Variants in EYS observed in about 807,000 individuals in gnomAD.
The protein encoded by EYS is EGF-like photoreceptor maintenance factor, also known as protein eyes shut homolog.
Under a neutral mutation model 282.1 loss-of-function variants are expected in EYS, and 250 were observed. The ratio of observed to expected loss-of-function variants is 0.89; its 90% CI spans 0.80 to 0.98. The LOEUF (loss-of-function observed/expected upper bound fraction) is 0.98, where lower values mean the gene tolerates loss of function less well. Among genes scored for constraint, EYS ranks in the 50% least tolerant of loss-of-function variants. The pLI is 0.00. For missense variants in EYS, 4,016 were observed against 3,709.0 expected (o/e 1.08, Z -2.15); for synonymous variants, 1,355 against 1,282.9 (o/e 1.06, Z -1.20).
At chr6:64,970,087 T>A (rs1770237869) in intron 14 of EYS, among the ~76,000 whole-genome samples, 1 of 151,892 alleles carries the variant, frequency 6.6e-6, no homozygotes, top group African/African-American at 2.4e-5. Context: ...TGTTGGAAAA[T>A]TTGGGGTAGA....
chr6:64,633,819 T>C (rs1767876378), intron 22 of EYS, among the ~76,000 whole-genome samples: 1 of 151,964 alleles, frequency 6.6e-6, no homozygotes. Context: ...CATAAGTAAA[T>C]ATAGAAGGGG....
At chr6:64,909,297 G>A (rs1315956437) in intron 16 of EYS, among the ~76,000 whole-genome samples, 2 of 151,870 alleles carry the variant, frequency 1.3e-5, no homozygotes, top group Non-Finnish European at 2.9e-5. Flanking sequence ...AGTTTATAGA[G>A]GCAAAAAAAG....
rs1770547723 is a variant in EYS, at chr6:64,695,587, C to CATT, written c.3444-69343_3444-69342insAAT. Reference sequence around the variant, plus strand: ...AATAATCATACTTTTTTTCTTTTAACTTTTTTTTTTTTTTTGAGAAGGAGT... The same window carrying CATT: ...AATAATCATACTTTTTTTCTTTTAACATTTTTTTTTTTTTTTTTGAGAAGGAGT... On this transcript the variant is annotated intron_variant, in intron 22 of 42. Transcript: ENST00000503581. Among the ~76,000 whole-genome samples the CATT allele has an allele frequency of 2.8e-5, 4 of 141,852 alleles. No homozygotes were observed. In the Admixed American group the frequency reaches 2.8e-4, roughly 10 times the overall value. 93.1% of individuals were successfully genotyped at this position (141,852 alleles called of 152,430 possible). A position where few individuals can be genotyped will look rare whatever the true frequency, so the allele number is the denominator to read the frequency against.
At chr6:64,028,659 C>T (rs894542559) in intron 33 of EYS, among the ~76,000 whole-genome samples, 1 of 152,186 alleles carries the variant, frequency 6.6e-6, no homozygotes, top group Non-Finnish European at 1.5e-5. Flanking sequence ...GATGGTCTTG[C>T]CCCAAGGGTT....
chr6:65,352,376 TA>T (rs1764316632), intron 9 of EYS, among the ~76,000 whole-genome samples: 1 of 151,850 alleles, frequency 6.6e-6, no homozygotes, highest in African/African-American at 2.4e-5. Context: ...AAATATTCTT[TA>T]AAAGAATGAA....
chr6:65,606,583 A>C (rs1408685577), intron 2 of EYS, among the ~76,000 whole-genome samples: 1 of 151,814 alleles, frequency 6.6e-6, no homozygotes, highest in Non-Finnish European at 1.5e-5. Flanking sequence ...ATCGTAATTA[A>C]TTACTCTTAG....
At chr6:64,504,446 T>A (rs1777149711) in intron 26 of EYS, among the ~76,000 whole-genome samples, 1 of 152,118 alleles carries the variant, frequency 6.6e-6, no homozygotes, top group Non-Finnish European at 1.5e-5. Flanking sequence ...TGTTGAAGAG[T>A]CACTGCTCAT....
chr6:63,721,801 CA>C lies in EYS; in HGVS notation c.8234-5del. ...AAAGAGATGCATAAAAAATCACCTG[CA>C]AGAAAGCAAACAGTAAGTTTGATTA... is the stretch of plus-strand genomic sequence containing the variant. On this transcript the variant is annotated splice_polypyrimidine_tract_variant and splice_region_variant and intron_variant, in intron 42 of 42. Transcript: ENST00000503581. The C allele has an allele frequency of 6.5e-7, 1 of 1,537,798 alleles. No individual in the cohort carries two copies. The highest frequency in any genetic ancestry group is 1.4e-5 in the African/African-American group (1 of 72,476).
At chr6:65,264,044 A>T (rs1236937150) in intron 12 of EYS, among the ~76,000 whole-genome samples, 1 of 152,098 alleles carries the variant, frequency 6.6e-6, no homozygotes, top group Non-Finnish European at 1.5e-5. Flanking sequence ...CAAATTAGAC[A>T]TTTAAATTTT....
intron 5 of EYS, among the ~76,000 whole-genome samples, chr6:65,453,595 C>T (rs1211058942): frequency 6.6e-6 from 1 of 151,888 alleles, no homozygotes; most frequent in African/African-American, 2.4e-5. Flanking sequence ...ACCATAGTCA[C>T]CCTACTGTGA....
intron 31 of EYS, among the ~76,000 whole-genome samples, chr6:64,113,516 T>G: frequency 6.6e-6 from 1 of 152,200 alleles, no homozygotes; most frequent in Middle Eastern, 3.2e-3. Context: ...ATAACAGATA[T>G]GACTTTTGCA....
intron 33 of EYS, among the ~76,000 whole-genome samples, chr6:64,058,315 G>A (rs1344231955): frequency 2.6e-5 from 4 of 151,924 alleles, no homozygotes; most frequent in Admixed American, 2.6e-4. Context: ...TGAACTCAGT[G>A]AGAATTATTC....
chr6:65,665,938 G>A (rs1768183086), intron 1 of EYS, among the ~76,000 whole-genome samples: 1 of 151,926 alleles, frequency 6.6e-6, no homozygotes, highest in South Asian at 2.1e-4. Flanking sequence ...CTTCTCTCTT[G>A]TGCCTGATGG....
chr6:63,841,201 A>C (rs1771947988), intron 36 of EYS, among the ~76,000 whole-genome samples: 1 of 152,180 alleles, frequency 6.6e-6, no homozygotes, highest in Non-Finnish European at 1.5e-5. Flanking sequence ...TTCTATACTT[A>C]AGTTATCTTT....
chr6:64,656,126 T>A (rs1307828785), intron 22 of EYS, among the ~76,000 whole-genome samples: 4 of 152,156 alleles, frequency 2.6e-5, no homozygotes, highest in African/African-American at 9.7e-5. Context: ...CATACAGTGA[T>A]GAGCACCATG....
In EYS at chr6:64,107,259, A is replaced by ATG. The variant is rs1157319867; in HGVS notation, c.6425-25259_6425-25258dup. ...ACTAGTAGGAGATATATATATATAT[A>ATG]TGTGTGTGTGTGTATATATATATAT... On this transcript the variant is annotated intron_variant, in intron 31 of 42. Coordinates refer to ENST00000503581, the MANE Select transcript of EYS (RefSeq NM_001142800.2). 5.5e-3 allele frequency among the ~76,000 whole-genome samples: 692 copies of ATG among 124,932 alleles called. 10 individuals carry two copies. The highest frequency in any genetic ancestry group is 0.017 in the African/African-American group (599 of 34,562). The allele number at this position is 124,932 out of a possible 152,430, so 82.0% of individuals were successfully genotyped here. A position where few individuals can be genotyped will look rare whatever the true frequency, so the allele number is the denominator to read the frequency against.
Position 64,340,080 on chromosome 6 carries a change from C to T in EYS, c.6079-32998G>A, listed in dbSNP as rs532955740. 7.3e-5 allele frequency among the ~76,000 whole-genome samples: 11 copies of T among 151,320 alleles called. No homozygotes were observed. The East Asian group carries it at 1.4e-3, about 19-fold the overall frequency. On this transcript the variant is annotated intron_variant, in intron 29 of 42. Transcript: ENST00000503581. ...GTTTAAATTAGCATACAAATAAAAA[C>T]GTATGCACATTTAACAATTTAAATA...
chr6:64,204,865 C>A (rs987836635), intron 31 of EYS, among the ~76,000 whole-genome samples: 3 of 152,068 alleles, frequency 2.0e-5, no homozygotes, highest in African/African-American at 7.2e-5. Flanking sequence ...AATTTGCAAG[C>A]AAATATTGAG....
chr6:64,220,532 G>C (rs533633471), intron 31 of EYS, among the ~76,000 whole-genome samples: 17 of 152,246 alleles, frequency 1.1e-4, no homozygotes, highest in African/African-American at 3.6e-4. Flanking sequence ...TGGACAGCCA[G>C]TATCTCTTCC....
Sources: allele counts gnomAD v4.1 joint callset (sites outside exome capture counted in the v4.1 genomes callset), GRCh38; gene constraint gnomAD v4.1.1; transcripts MANE v1.5; gene names NCBI Gene and HGNC (gene_info 2026-07-23, HGNC 2026-07-21).